Variants in ADGRL3 observed in about 807,000 individuals in gnomAD.
ADGRL3 encodes calcium-independent alpha-latrotoxin receptor 3.
ADGRL3 carries 62 observed loss-of-function variants against 153.5 expected under a neutral mutation model. That is an observed-to-expected ratio of 0.40 (90% CI 0.33 to 0.50). The LOEUF is 0.50. ADGRL3 is among the 20% of genes least tolerant of loss of function. The pLI, the probability that ADGRL3 is intolerant of heterozygous loss-of-function variation, is 0.47. For synonymous variants in ADGRL3, 710 were observed against 672.5 expected (o/e 1.06, Z -0.86); for missense variants, 1,641 against 1,859.4 (o/e 0.88, Z 2.16).
chr4:62,058,850 G>A (rs1471635427), intron 25 of ADGRL3, among the ~76,000 whole-genome samples: 1 of 152,130 alleles, frequency 6.6e-6, no homozygotes, highest in Admixed American at 6.5e-5. Flanking sequence ...GACAGTATTA[G>A]AATTAAAAGT....
At chr4:61,935,671 A>C (rs1381118778) in intron 14 of ADGRL3, among the ~76,000 whole-genome samples, 1 of 152,284 alleles carries the variant, frequency 6.6e-6, no homozygotes, top group South Asian at 2.1e-4. Context: ...ACAATGTATT[A>C]GAATTTGGGA....
intron 1 of ADGRL3, among the ~76,000 whole-genome samples, chr4:61,374,555 T>A (rs2096581249): frequency 6.6e-6 from 1 of 152,134 alleles, no homozygotes; most frequent in Non-Finnish European, 1.5e-5. Context: ...ACTGAAGATT[T>A]TCTGCTTGAA....
At chr4:61,664,233 C>T (rs1013411571) in intron 5 of ADGRL3, among the ~76,000 whole-genome samples, 1 of 152,116 alleles carries the variant, frequency 6.6e-6, no homozygotes, top group African/African-American at 2.4e-5. Flanking sequence ...ATGAAAGCTG[C>T]ATTCTGTAGG....
intron 8 of ADGRL3, among the ~76,000 whole-genome samples, chr4:61,757,656 C>A (rs1466822542): frequency 2.6e-5 from 4 of 152,072 alleles, no homozygotes; most frequent in Admixed American, 2.0e-4. Context: ...TTCTTGCCTT[C>A]TACTAGCTTT....
chr4:61,999,118 T>C (rs567362641), intron 21 of ADGRL3, among the ~76,000 whole-genome samples: 3 of 152,336 alleles, frequency 2.0e-5, no homozygotes, highest in South Asian at 4.1e-4. Flanking sequence ...CTTTGTAATA[T>C]AAAAATATGG....
At chr4:61,591,378 T>C (rs1497902) in intron 5 of ADGRL3, among the ~76,000 whole-genome samples, 8,174 of 152,228 alleles carry the variant, frequency 0.054, 678 homozygotes, top group African/African-American at 0.18. Context: ...AGATTCTGCA[T>C]GCCAATTACT....
In ADGRL3 at chr4:61,948,080, G is replaced by A. The variant is rs1415603507; in HGVS notation, c.2629-20G>A. 1.3e-6 allele frequency: 2 copies of A among 1,590,020 alleles called. No individual in the cohort carries two copies. Among genetic ancestry groups the A allele is most frequent in the Non-Finnish European group, 1.7e-6 (2 of 1,165,452 alleles). On this transcript the variant is annotated intron_variant, in intron 16 of 26. Coordinates refer to ENST00000683033, the MANE Select transcript of ADGRL3 (RefSeq NM_001387552.1). ...ATCATAAAGTAGTTGTTGATTTTAT[G>A]GATTTTTTTTCCCCTGTAGCAGTCA...
intron 25 of ADGRL3, among the ~76,000 whole-genome samples, chr4:62,060,062 T>C (rs1370379528): frequency 6.6e-6 from 1 of 152,080 alleles, no homozygotes. Context: ...TTTTTTGTTC[T>C]TGTATTCTTG....
At chr4:61,567,648 AG>A (rs1427653110) in intron 4 of ADGRL3, among the ~76,000 whole-genome samples, 2 of 152,152 alleles carry the variant, frequency 1.3e-5, no homozygotes, top group African/African-American at 4.8e-5. Flanking sequence ...ATTTTGTTTT[AG>A]TAGCCCAAAG....
chr4:61,987,104 CTTTTA>C (rs60189277), intron 19 of ADGRL3, among the ~76,000 whole-genome samples: 50,783 of 140,812 alleles, frequency 0.36, 9,512 homozygotes, highest in East Asian at 0.7. Context: ...TTGTATATTG[CTTTTA>C]TTTTATTTTA....
chr4:61,873,330 TTC>T lies in ADGRL3; in HGVS notation c.1481-19324_1481-19323del, dbSNP rs142165081. On this transcript the variant is annotated intron_variant, in intron 9 of 26. Transcript: ENST00000683033. ...TCAAAAAGCATGAAGCCTCCACAATTTCTGTTTCTCTCTCCAACTTCCCTCCC... is the reference window on the plus strand; with the variant it reads ...TCAAAAAGCATGAAGCCTCCACAATTTGTTTCTCTCTCCAACTTCCCTCCC... Among the ~76,000 whole-genome samples, 1,264 of 152,288 alleles carry T rather than the reference TTC, an allele frequency of 8.3e-3. 19 individuals carry two copies. Among genetic ancestry groups the T allele is most frequent in the South Asian group, 0.051 (246 of 4,822 alleles).
chr4:61,872,335 C>G (rs1279218070), intron 9 of ADGRL3, among the ~76,000 whole-genome samples: 1 of 151,338 alleles, frequency 6.6e-6, no homozygotes, highest in Non-Finnish European at 1.5e-5. Flanking sequence ...AAGTGATAGT[C>G]ATGTTGCATT....
intron 6 of ADGRL3, among the ~76,000 whole-genome samples, chr4:61,692,558 T>C (rs931386761): frequency 6.6e-6 from 1 of 151,924 alleles, no homozygotes; most frequent in South Asian, 2.1e-4. Flanking sequence ...TTCTCCTGCC[T>C]CAGCCTCCCA....
In ADGRL3 at chr4:61,745,980, A is replaced by G. The variant is rs190211207; in HGVS notation, c.1399+12426A>G. On this transcript the variant is annotated intron_variant, in intron 8 of 26. Transcript: ENST00000683033. ...CAGGAAACTCATCGCACATGCAGAC[A>G]CACAAAAGCTCAAAATAAAAGGATG... Among the ~76,000 whole-genome samples, 242 of 152,366 alleles carry G rather than the reference A, an allele frequency of 1.6e-3. 6 individuals are homozygous for G. Among genetic ancestry groups the G allele is most frequent in the African/African-American group, 5.5e-3 (229 of 41,594 alleles).
intron 18 of ADGRL3, among the ~76,000 whole-genome samples, chr4:61,980,306 A>ATTTTTTTTTTTTTTTTTTTTTTT (rs756680977): frequency 1.3e-5 from 1 of 74,430 alleles, no homozygotes; most frequent in Non-Finnish European, 2.5e-5. Context: ...GTAACCACTA[A>ATTTTTTTTTTTTTTTTTTTTTTT]TTTTTTTTTT....
chr4:61,935,083 GA>G, intron 14 of ADGRL3, 60 bp downstream of exon 14: 1 of 1,427,038 alleles, frequency 7.0e-7, no homozygotes, highest in Admixed American at 1.9e-5. Flanking sequence ...AGAGGGAAAA[GA>G]AAAAAGTATC....
chr4:61,529,170 G>A (rs540963561), intron 4 of ADGRL3, among the ~76,000 whole-genome samples: 2 of 152,218 alleles, frequency 1.3e-5, no homozygotes, highest in African/African-American at 2.4e-5. Flanking sequence ...TTGATGTTCA[G>A]CAGAACTGTA....
intron 6 of ADGRL3, among the ~76,000 whole-genome samples, chr4:61,713,636 A>C (rs1436295999): frequency 6.6e-6 from 1 of 152,022 alleles, no homozygotes; most frequent in African/African-American, 2.4e-5. Context: ...ACTCCTTTAC[A>C]TTATACTGAA....
chr4:61,497,238 T>A lies in ADGRL3; in HGVS notation c.-56T>A. On this transcript the variant is annotated 5_prime_UTR_variant, in exon 3 of 27. Transcript: ENST00000683033. ...AGAGAAACTAGAAATATACGTATTT[T>A]GTTTCACATTTGAACAGTCATTCTT... 1 of 1,008,310 alleles carries A rather than the reference T, an allele frequency of 9.9e-7. No individual in the cohort carries two copies. Among genetic ancestry groups the A allele is most frequent in the Non-Finnish European group, 1.5e-6 (1 of 654,350 alleles). 62.5% of individuals were successfully genotyped at this position (1,008,310 alleles called of 1,614,324 possible). A position where few individuals can be genotyped will look rare whatever the true frequency, so the allele number is the denominator to read the frequency against.
Sources: allele counts gnomAD v4.1 joint callset (sites outside exome capture counted in the v4.1 genomes callset), GRCh38; gene constraint gnomAD v4.1.1; transcripts MANE v1.5; gene names NCBI Gene and HGNC (gene_info 2026-07-23, HGNC 2026-07-21).